NLRP11: variants seen among roughly 807,000 people sequenced by gnomAD.
NLRP11 encodes NACHT, LRR and PYD domains-containing protein 11.
A neutral mutation model predicts 79.3 loss-of-function variants in NLRP11; 53 were observed. That is an observed-to-expected ratio of 0.67 (90% CI 0.54 to 0.84). The LOEUF (loss-of-function observed/expected upper bound fraction) is 0.84. NLRP11 is among the 40% of genes least tolerant of loss of function. NLRP11 has a pLI of 0.00. For missense variants in NLRP11, 1,264 were observed against 1,255.0 expected, an observed-to-expected ratio of 1.01 and a Z score of -0.11; for synonymous variants, 518 against 462.6, an observed-to-expected ratio of 1.12 and a Z score of -1.54.
chr19:55,829,883 CCTA>C (rs1982583507), intron 1 of NLRP11, among the ~76,000 whole-genome samples: 1 of 152,106 alleles, frequency 6.6e-6, no homozygotes, highest in Admixed American at 6.6e-5. Context: ...ACACTCATAG[CCTA>C]CTATTGACCA....
intron 1 of NLRP11, among the ~76,000 whole-genome samples, chr19:55,822,874 A>G (rs1981914633): frequency 6.6e-6 from 1 of 152,204 alleles, no homozygotes; most frequent in Non-Finnish European, 1.5e-5. Context: ...TTAGGTAAAC[A>G]AAGCAGCCAG....
chr19:55,787,302 T>C (rs73933370), intron 9 of NLRP11, among the ~76,000 whole-genome samples: 9,553 of 152,244 alleles, frequency 0.063, 902 homozygotes, highest in African/African-American at 0.21. Flanking sequence ...TCAATCACAC[T>C]CTTGTATCAT....
intron 4 of NLRP11, among the ~76,000 whole-genome samples, chr19:55,803,758 C>T (rs1051237033): frequency 6.6e-6 from 1 of 152,148 alleles, no homozygotes; most frequent in African/African-American, 2.4e-5. Flanking sequence ...TACCATCTTA[C>T]ACCAGTCAGA....
intron 1 of NLRP11, among the ~76,000 whole-genome samples, chr19:55,823,199 G>T (rs1981980096): frequency 6.9e-6 from 1 of 144,494 alleles, no homozygotes; most frequent in Non-Finnish European, 1.5e-5. Context: ...TGCAGCTGAG[G>T]GTCCTGTCTG....
chr19:55,797,304 A>T (rs1490721165), intron 5 of NLRP11, among the ~76,000 whole-genome samples: 1 of 152,120 alleles, frequency 6.6e-6, no homozygotes, highest in Non-Finnish European at 1.5e-5. Flanking sequence ...TCTCTAAAAA[A>T]AAATAAATAA....
intron 6 of NLRP11, among the ~76,000 whole-genome samples, chr19:55,794,167 T>C (rs1049886375): frequency 1.3e-5 from 2 of 152,208 alleles, no homozygotes; most frequent in African/African-American, 2.4e-5. Flanking sequence ...AAAATTATAT[T>C]GTAGTGTTGT....
Position 55,809,119 on chromosome 19 carries a change from A to G in NLRP11, c.1491T>C (p.Gly497=). The change falls in exon 3 of 10, where the codon GGT becomes GGC. Residue 497 remains glycine, a synonymous_variant. Coordinates refer to ENST00000589093, the Ensembl canonical transcript of NLRP11. This position sits in a 1 kb window ranked among gnomAD's most constrained non-coding sequence, Gnocchi z 4.5. ...TCTTTCTCCTGTTTGCATTTAGAAG[A>G]CCAAAAATGAAAGTAAACACTTGAT... 6.2e-7 allele frequency: 1 copy of G among 1,613,906 alleles called. No homozygotes were observed. The highest frequency in any genetic ancestry group is 8.5e-7 in the Non-Finnish European group (1 of 1,179,980).
In NLRP11 at chr19:55,818,210, G is replaced by C. The variant is rs895674016; in HGVS notation, c.-36C>G. ...CAGGGAAGGCAGACTTCAGAGAAGG[G>C]ATTTTGAGGCACAAGAAATATGAGA... On this transcript the variant is annotated 5_prime_UTR_variant, in exon 2 of 10. It adds an upstream start codon to the 5' untranslated region. Transcript: ENST00000589093. The C allele has an allele frequency of 6.4e-6, 10 of 1,568,804 alleles. No homozygotes were observed. Among genetic ancestry groups the C allele is most frequent in the Admixed American group, 3.6e-5 (2 of 56,330 alleles).
rs1455094295 is a variant in NLRP11 at position 55,821,203 on chromosome 19, TCTCACACACACACACACACA to T, written c.-62-2987_-62-2968del. On this transcript the variant is annotated intron_variant, in intron 1 of 9. Coordinates refer to ENST00000589093, the Ensembl canonical transcript of NLRP11. ...CTATGTGACCAGCTCTCTCTCTCTC[TCTCACACACACACACACACA>T]CACACACACACACACACACACACAC... Among the ~76,000 whole-genome samples, 610 of 113,266 alleles carry T rather than the reference TCTCACACACACACACACACA, an allele frequency of 5.4e-3. 5 individuals carry two copies. Among genetic ancestry groups the T allele is most frequent in the Non-Finnish European group, 8.0e-3 (475 of 59,470 alleles). 74.3% of individuals were successfully genotyped at this position (113,266 alleles called of 152,430 possible). A position where few individuals can be genotyped will look rare whatever the true frequency, so the allele number is the denominator to read the frequency against.
At chr19:55,817,744 GC>G (rs1981276337) in intron 2 of NLRP11, among the ~76,000 whole-genome samples, 159 bp downstream of exon 2, 1 of 150,220 alleles carries the variant, frequency 6.7e-6, no homozygotes. Context: ...CGGTGGGGAT[GC>G]CAAAGTTTTA....
chr19:55,819,443 T>C (rs1981472780), intron 1 of NLRP11, among the ~76,000 whole-genome samples: 1 of 152,188 alleles, frequency 6.6e-6, no homozygotes, highest in Non-Finnish European at 1.5e-5. Context: ...CTAATCCTGG[T>C]ATCATTACAC....
chr19:55,794,791 T>C (rs770433748), intron 6 of NLRP11, among the ~76,000 whole-genome samples: 13 of 152,036 alleles, frequency 8.6e-5, no homozygotes, highest in Non-Finnish European at 1.6e-4. Flanking sequence ...GCATACATAA[T>C]GCGATATTAC....
intron 1 of NLRP11, among the ~76,000 whole-genome samples, chr19:55,828,582 A>C (rs2122933516): frequency 6.6e-6 from 1 of 152,296 alleles, no homozygotes; most frequent in East Asian, 1.9e-4. Flanking sequence ...AGTATATCAT[A>C]ATTATGGTAT....
At chr19:55,791,782 A>AT (rs1990248982) in intron 7 of NLRP11, among the ~76,000 whole-genome samples, 1 of 152,002 alleles carries the variant, frequency 6.6e-6, no homozygotes, top group Non-Finnish European at 1.5e-5. Flanking sequence ...CTTGTTACAT[A>AT]TTTTTTCCTG....
intron 1 of NLRP11, among the ~76,000 whole-genome samples, chr19:55,827,494 G>A (rs1015725509): frequency 2.7e-5 from 4 of 150,466 alleles, no homozygotes; most frequent in African/African-American, 9.8e-5. Context: ...CAAAATGGGA[G>A]AAAATTTTCG....
At chr19:55,808,437 T>C (rs897056723) in intron 3 of NLRP11, among the ~76,000 whole-genome samples, 5 of 152,120 alleles carry the variant, frequency 3.3e-5, no homozygotes, top group African/African-American at 1.2e-4. Context: ...CATTTGGTGA[T>C]GTATAAGATT....
At chr19:55,794,583 A>ATC (rs1390213057) in intron 6 of NLRP11, among the ~76,000 whole-genome samples, 2 of 152,090 alleles carry the variant, frequency 1.3e-5, no homozygotes, top group Non-Finnish European at 2.9e-5. Flanking sequence ...ACACGGTGAA[A>ATC]CCCCGTCTCT....
chr19:55,791,240 G>C (rs941244720), intron 7 of NLRP11, among the ~76,000 whole-genome samples: 2 of 152,008 alleles, frequency 1.3e-5, no homozygotes, highest in Admixed American at 1.3e-4. Flanking sequence ...CAGTATGAGT[G>C]AATTTGTCTC....
At chr19:55,822,942 G>A (rs2122901180) in intron 1 of NLRP11, among the ~76,000 whole-genome samples, 1 of 152,252 alleles carries the variant, frequency 6.6e-6, no homozygotes, top group African/African-American at 2.4e-5. Flanking sequence ...GCCTCTATAG[G>A]CTCCACCTCT....
Sources: gnomAD v4.1 joint callset for allele counts (sites outside exome capture counted in the v4.1 genomes callset) on GRCh38, gnomAD v4.1.1 for gene constraint, Gnocchi (gnomAD v3.1) non-coding constraint, MANE v1.5 for transcripts, NCBI Gene and HGNC (gene_info 2026-07-23, HGNC 2026-07-21) for gene names.